The following DCLRE1C variants were observed in gnomAD, a reference collection of about 807,000 sequenced individuals.
DCLRE1C encodes DNA cross-link repair 1C.
Under a neutral mutation model 61.4 loss-of-function variants are expected in DCLRE1C, and 47 were observed. That is an observed-to-expected ratio of 0.77 (90% confidence interval 0.61 to 0.98). DCLRE1C has a LOEUF of 0.98. DCLRE1C is among the 50% of genes least tolerant of loss of function. The pLI, the probability that DCLRE1C is intolerant of heterozygous loss-of-function variation, is 0.00. For missense variants in DCLRE1C, 858 were observed against 816.0 expected (o/e 1.05, Z -0.63); for synonymous variants, 337 against 287.6 (o/e 1.17, Z -1.74).
rs746724232 is a variant in DCLRE1C, at chr10:14,934,346, A to AAAAAG, written c.678+29_678+33dup. 10 of 1,598,766 alleles carry AAAAAG rather than the reference A, an allele frequency of 6.3e-6. No individual in the cohort carries two copies. In the African/African-American group the frequency reaches 9.5e-5, roughly 15 times the overall value. ...CCCTCTCAAAAAAAAAAAAAAAAGA[A>AAAAAG]AAAAGAAAAGAAAAGAATGAACAGT... On this transcript the variant is annotated intron_variant, in intron 8 of 13. Coordinates refer to ENST00000378278, the MANE Select transcript of DCLRE1C (RefSeq NM_001033855.3).
downstream of DCLRE1C, chr10:14,902,671 A>T (rs180989547): frequency 5.7e-6 from 3 of 527,756 alleles, no homozygotes; most frequent in East Asian, 6.5e-5. Flanking sequence ...GATGCCTCTG[A>T]AAAGGGGGTC....
At chr10:14,899,441 T>G (rs1833840241) in intron 13 of DCLRE1C, 1 of 1,327,776 alleles carries the variant, frequency 7.5e-7, no homozygotes, top group Non-Finnish European at 1.0e-6. Context: ...TTTCTTACTT[T>G]TTAAATATTT....
intron 13 of DCLRE1C, among the ~76,000 whole-genome samples, chr10:14,909,790 T>A (rs907409957): frequency 7.6e-6 from 1 of 131,340 alleles, no homozygotes; most frequent in African/African-American, 3.4e-5. Context: ...AAAATTAAAT[T>A]GCTTTTTATT....
chr10:14,936,526 T>A lies in DCLRE1C; in HGVS notation c.362+12A>T. The A allele has an allele frequency of 1.2e-6, 2 of 1,606,770 alleles. No individual in the cohort carries two copies. Among genetic ancestry groups the A allele is most frequent in the East Asian group, 4.5e-5 (2 of 44,828 alleles). ...ACATATAATAAAATGACAAAATAAA[T>A]GACCCCCTTACATAACTGATCCCGG... On this transcript the variant is annotated intron_variant, in intron 5 of 13. Transcript: ENST00000378278.
intron 4 of DCLRE1C, 129 bp downstream of exon 4, chr10:14,939,681 A>G (rs1840552556): frequency 1.2e-6 from 1 of 804,162 alleles, no homozygotes; most frequent in East Asian, 2.8e-5. Flanking sequence ...ATGAGCATTC[A>G]AAATCAAAGA....
chr10:14,948,986 T>A, intron 2 of DCLRE1C, 50 bp downstream of exon 2: 1 of 1,274,032 alleles, frequency 7.8e-7, no homozygotes, highest in Non-Finnish European at 1.1e-6. Flanking sequence ...ACAGTTGTTA[T>A]CTCTCAATTA....
At chr10:14,913,932 CAAT>C (rs1835728293) in intron 13 of DCLRE1C, among the ~76,000 whole-genome samples, 1 of 152,098 alleles carries the variant, frequency 6.6e-6, no homozygotes, top group South Asian at 2.1e-4. Flanking sequence ...GTTACACAGC[CAAT>C]AACCCAACAA....
At chr10:14,941,659 T>G (rs189520767) in intron 3 of DCLRE1C, among the ~76,000 whole-genome samples, 15 of 152,374 alleles carry the variant, frequency 9.8e-5, no homozygotes, top group Admixed American at 3.3e-4. Flanking sequence ...AGTTATTGTA[T>G]GCATTTAGTT....
chr10:14,934,609 G>A, intron 7 of DCLRE1C, 89 bp from the exon 8 acceptor site: 1 of 1,613,072 alleles, frequency 6.2e-7, no homozygotes, highest in Non-Finnish European at 8.5e-7. Context: ...CACACCTACG[G>A]GGACAGTTAG....
chr10:14,942,904 C>T (rs535570140), intron 3 of DCLRE1C, among the ~76,000 whole-genome samples: 520 of 152,266 alleles, frequency 3.4e-3, no homozygotes, highest in African/African-American at 0.012. Context: ...GCGGGAGGAT[C>T]ACCTGAGGGC....
intron 8 of DCLRE1C, 53 bp downstream of exon 8, chr10:14,934,327 C>CAA (rs374055066): frequency 8.8e-4 from 1,258 of 1,422,634 alleles, no homozygotes; most frequent in African/African-American, 5.9e-3. Context: ...GACTCCCTCT[C>CAA]AAAAAAAAAA....
At chr10:14,927,133 G>A (rs1481399818) in intron 10 of DCLRE1C, among the ~76,000 whole-genome samples, 1 of 152,186 alleles carries the variant, frequency 6.6e-6, no homozygotes, top group African/African-American at 2.4e-5. Context: ...TATAATCCCA[G>A]CACTATGGGA....
In DCLRE1C at chr10:14,953,891, C is replaced by T. The variant is rs780511136; in HGVS notation, c.109+11G>A. 3 of 1,613,822 alleles carry T rather than the reference C, an allele frequency of 1.9e-6. No homozygotes were observed. Among genetic ancestry groups the T allele is most frequent in the Admixed American group, 1.7e-5 (1 of 60,022 alleles). On this transcript the variant is annotated intron_variant, in intron 1 of 13. Transcript: ENST00000378278. Reference sequence around the variant, plus strand: ...CGCCCCGGGAGCGGGCGACGCGCAGCCCTCACTCACCTTTGTGGCAGTGGG... The same window carrying T: ...CGCCCCGGGAGCGGGCGACGCGCAGTCCTCACTCACCTTTGTGGCAGTGGG...
intron 13 of DCLRE1C, among the ~76,000 whole-genome samples, chr10:14,918,636 A>AG (rs1836600529): frequency 6.6e-6 from 1 of 151,960 alleles, no homozygotes; most frequent in South Asian, 2.1e-4. Context: ...TTTTAAAAAA[A>AG]AAAAAAAAGA....
chr10:14,923,448 T>C, intron 11 of DCLRE1C: 1 of 262,932 alleles, frequency 3.8e-6, no homozygotes, highest in Non-Finnish European at 7.5e-6. Context: ...AAATCCCTTT[T>C]CAAATAAGTT....
chr10:14,923,243 G>A (rs752905189), intron 11 of DCLRE1C, 174 bp from the exon 12 acceptor site: 2 of 613,806 alleles, frequency 3.3e-6, no homozygotes, highest in Non-Finnish European at 5.9e-6. Context: ...TCCAATGCCT[G>A]GGCCTCACTC....
chr10:14,926,632 C>T (rs41298904), intron 11 of DCLRE1C, among the ~76,000 whole-genome samples: 90 of 138,288 alleles, frequency 6.5e-4, no homozygotes, highest in African/African-American at 1.6e-3. Flanking sequence ...CCAACCTGGG[C>T]GACAGAGTAA....
rs371037771 is a variant in DCLRE1C, at chr10:14,937,504, G to C, written c.307-911C>G. On this transcript the variant is annotated intron_variant, in intron 4 of 13. Transcript: ENST00000378278. ...TCACCATGTTCGCCAGGCCAGTCTTGAACTCTTGACCTCAAGTGATACATC... is the reference window on the plus strand; with the variant it reads ...TCACCATGTTCGCCAGGCCAGTCTTCAACTCTTGACCTCAAGTGATACATC... 1.5e-4 allele frequency among the ~76,000 whole-genome samples: 23 copies of C among 152,086 alleles called. No individual in the cohort carries two copies. The East Asian group carries it at 3.9e-3, about 26-fold the overall frequency.
intron 5 of DCLRE1C, among the ~76,000 whole-genome samples, chr10:14,935,800 T>C (rs567172698): frequency 7.7e-4 from 118 of 152,346 alleles, no homozygotes; most frequent in African/African-American, 2.7e-3. Context: ...CCTTGTGATA[T>C]GTTAGCACTT....
Sources: gnomAD v4.1 joint callset for allele counts (sites outside exome capture counted in the v4.1 genomes callset) on GRCh38, gnomAD v4.1.1 for gene constraint, MANE v1.5 for transcripts, NCBI Gene and HGNC (gene_info 2026-07-23, HGNC 2026-07-21) for gene names.